The following CDH5 variants were observed in gnomAD, a reference collection of about 807,000 sequenced individuals.
The protein encoded by CDH5 is cadherin 5.
Under a neutral mutation model 62.0 loss-of-function variants are expected in CDH5, and 28 were observed. The ratio of observed to expected loss-of-function variants is 0.45; its 90% confidence interval spans 0.33 to 0.62. The LOEUF (loss-of-function observed/expected upper bound fraction) is 0.62, where lower values mean the gene tolerates loss of function less well. Ranked by LOEUF, CDH5 falls within the 20% of genes least tolerant of loss-of-function variation. CDH5 has a pLI of 0.02. For synonymous variants in CDH5, 464 were observed against 445.8 expected (o/e 1.04, Z -0.52); for missense variants, 940 against 1,065.1 (o/e 0.88, Z 1.63).
intron 8 of CDH5, among the ~76,000 whole-genome samples, chr16:66,397,023 C>T (rs1264344563): frequency 1.3e-5 from 2 of 152,186 alleles, no homozygotes; most frequent in African/African-American, 4.8e-5. Context: ...ACGGAAAATA[C>T]AGAAAATGAG....
intron 1 of CDH5, among the ~76,000 whole-genome samples, chr16:66,372,109 G>T (rs957945154): frequency 1.3e-5 from 2 of 152,176 alleles, no homozygotes; most frequent in East Asian, 1.9e-4. Flanking sequence ...TGAGAGGCAG[G>T]ACTCACTCCT....
chr16:66,401,133 C>G (rs1313652793), intron 11 of CDH5, 117 bp downstream of exon 11: 2 of 1,334,952 alleles, frequency 1.5e-6, no homozygotes, highest in Non-Finnish European at 2.1e-6. Flanking sequence ...CCAACCCTGC[C>G]TCCAATCTGC....
chr16:66,382,441 C>G (rs1960913563), intron 2 of CDH5, among the ~76,000 whole-genome samples: 1 of 152,106 alleles, frequency 6.6e-6, no homozygotes, highest in Non-Finnish European at 1.5e-5. Flanking sequence ...ATTCCTGACT[C>G]TCAACACAAA....
At chr16:66,393,126 A>G (rs1273324350) in intron 7 of CDH5, 3 of 152,218 alleles carry the variant, frequency 2.0e-5, no homozygotes, top group Non-Finnish European at 4.4e-5. Context: ...ATTCAATTCA[A>G]TCTTATTTTA....
intron 1 of CDH5, among the ~76,000 whole-genome samples, chr16:66,374,195 T>A (rs1428377464): frequency 6.6e-6 from 1 of 151,678 alleles, no homozygotes; most frequent in Non-Finnish European, 1.5e-5. Flanking sequence ...CTCGGGGGAG[T>A]GCTCAGGGAT....
chr16:66,392,181 G>T lies in CDH5; in HGVS notation c.1015G>T (p.Ala339Ser), dbSNP rs1485875015. ...YIQQYSFIVE[A>S]TDPTIDLRYM... ...CCAGCAATACAGCTTCATCGTCGAGGCCACAGACCCCACCATCGACCTCCG... is the reference window on the plus strand; with the variant it reads ...CCAGCAATACAGCTTCATCGTCGAGTCCACAGACCCCACCATCGACCTCCG... Residue 339 changes from alanine (A) to serine (S), a missense_variant, in exon 7 of 12, where the codon GCC becomes TCC. Transcript: ENST00000341529. 6.2e-7 allele frequency: 1 copy of T among 1,614,104 alleles called. No individual in the cohort carries two copies.
intron 5 of CDH5, among the ~76,000 whole-genome samples, chr16:66,390,173 C>T (rs1255007963): frequency 6.6e-6 from 1 of 152,190 alleles, no homozygotes; most frequent in African/African-American, 2.4e-5. Flanking sequence ...TAGCAAAGTG[C>T]CTGGCATACA....
At chr16:66,367,695 C>G (rs1203455968) in intron 1 of CDH5, among the ~76,000 whole-genome samples, 1 of 152,188 alleles carries the variant, frequency 6.6e-6, no homozygotes, top group Non-Finnish European at 1.5e-5. Context: ...TACATTCTTT[C>G]TTTATATCTC....
intron 1 of CDH5, among the ~76,000 whole-genome samples, chr16:66,378,951 G>T (rs1233276461): frequency 6.6e-6 from 1 of 152,186 alleles, no homozygotes; most frequent in Non-Finnish European, 1.5e-5. Flanking sequence ...CGGTCAGAGT[G>T]GTGGAAGAAA....
At position 66,390,577 on chromosome 16, in the gene CDH5, T is replaced by C; in HGVS notation, c.956T>C (p.Ile319Thr). ...AACCCCGCCCACAACGAGGGCATCA[T>C]CAAGCCCATGAAGGTTTGTAGGCCA... ...ETNPAHNEGIIKPMKPLDYEY... is the reference protein window; with the variant it reads ...ETNPAHNEGITKPMKPLDYEY... Residue 319 changes from isoleucine to threonine, a missense_variant, in exon 6 of 12, where the codon ATC (isoleucine) becomes ACC (threonine). Ile to Thr is a moderately conservative substitution (Grantham distance 89). Coordinates refer to ENST00000341529, the MANE Select transcript of CDH5 (RefSeq NM_001795.5). 6.2e-7 allele frequency: 1 copy of C among 1,614,044 alleles called. No homozygotes were observed. Among genetic ancestry groups the C allele is most frequent in the Non-Finnish European group, 8.5e-7 (1 of 1,179,994 alleles).
Position 66,389,318 on chromosome 16 carries a change from GA to G in CDH5, c.617-38del. 3.2e-6 allele frequency: 5 copies of G among 1,582,892 alleles called. 1 individual carries two copies. In the South Asian group the frequency reaches 5.7e-5, roughly 18 times the overall value. On this transcript the variant is annotated intron_variant, in intron 4 of 11. Transcript: ENST00000341529. The stretch of plus-strand genomic sequence containing the variant: ...AGGCCCTAGGCATCGGTATTTTCTA[GA>G]AGCTGGTAACATGGTTCCTGCTGGG...
In CDH5 at chr16:66,400,784, C is replaced by T; in HGVS notation, c.1605C>T (p.Asn535=). ...TLTDNHDNTA[N]ITVKYGQFDR... ...TGGTGTTTCCAGATAACACGGCCAA[C>T]ATCACAGTCAAGTATGGGCAGTTTG... Residue 535 remains asparagine (N), a synonymous_variant, in exon 11 of 12, where the codon AAC becomes AAT. Transcript: ENST00000341529. 6.2e-7 allele frequency: 1 copy of T among 1,614,212 alleles called. No individual in the cohort carries two copies. The highest frequency in any genetic ancestry group is 2.2e-5 in the East Asian group (1 of 44,880).
At chr16:66,367,628 G>A (rs185615143) in intron 1 of CDH5, among the ~76,000 whole-genome samples, 12 of 152,288 alleles carry the variant, frequency 7.9e-5, no homozygotes, top group Non-Finnish European at 1.2e-4. Flanking sequence ...ACCACAGTGG[G>A]GAACAAGGGA....
chr16:66,398,900 A>G (rs1340902147), intron 10 of CDH5, among the ~76,000 whole-genome samples: 2 of 152,202 alleles, frequency 1.3e-5, no homozygotes, highest in Non-Finnish European at 2.9e-5. Context: ...ACATTGTACA[A>G]TTGGTCTATG....
rs926112121 is a variant in CDH5, at chr16:66,404,219, A to G, written c.*1050A>G. On this transcript the variant is annotated 3_prime_UTR_variant, in exon 12 of 12. Coordinates refer to ENST00000341529, the MANE Select transcript of CDH5 (RefSeq NM_001795.5). The stretch of plus-strand genomic sequence containing the variant: ...CATGACTGCATGACGGAGCCGAGCC[A>G]TGTGTCTTTACACCTCGCTGTTGTC... 5 of 152,768 alleles carry G rather than the reference A, an allele frequency of 3.3e-5. No homozygotes were observed. Among genetic ancestry groups the G allele is most frequent in the African/African-American group, 1.2e-4 (5 of 41,478 alleles). 9.5% of individuals were successfully genotyped at this position (152,768 alleles called of 1,614,324 possible). A position where few individuals can be genotyped will look rare whatever the true frequency, so the allele number is the denominator to read the frequency against.
In CDH5 at chr16:66,388,581, A is replaced by G. The variant is rs534355854; in HGVS notation, c.616+141A>G. The G allele has an allele frequency of 4.6e-5, 30 of 646,524 alleles. No individual in the cohort carries two copies. The South Asian group carries it at 5.4e-4, about 12-fold the overall frequency. 40.0% of individuals were successfully genotyped at this position (646,524 alleles called of 1,614,324 possible). ...ACCACACTGTACCATGGAAGTAGTC[A>G]GTATCATATGTAAAGACAAGGCGGC... On this transcript the variant is annotated intron_variant, in intron 4 of 11. Transcript: ENST00000341529.
At chr16:66,399,012 G>T (rs1482440795) in intron 10 of CDH5, among the ~76,000 whole-genome samples, 1 of 152,162 alleles carries the variant, frequency 6.6e-6, no homozygotes. Context: ...AGTCAGCTCA[G>T]TTCAAGAACT....
At chr16:66,386,226 C>CAA (rs979858711) in intron 2 of CDH5, among the ~76,000 whole-genome samples, 2 of 151,986 alleles carry the variant, frequency 1.3e-5, no homozygotes, top group Admixed American at 6.5e-5. Context: ...CCAGGCAACT[C>CAA]ACACCATGAG....
chr16:66,402,633 C>T lies in CDH5; in HGVS notation c.1838-19C>T, dbSNP rs750331958. The T allele has an allele frequency of 1.3e-6, 2 of 1,549,962 alleles. No homozygotes were observed. The highest frequency in any genetic ancestry group is 2.5e-5 in the South Asian group (2 of 79,552). On this transcript the variant is annotated intron_variant, in intron 11 of 11. Transcript: ENST00000341529. ...CCCCCAGCCTTGTCTGACTCTGCTG[C>T]TCGGCTCCCTGGCTGCAGTGATCAC...
Sources: gnomAD v4.1 joint callset for allele counts (sites outside exome capture counted in the v4.1 genomes callset) on GRCh38, gnomAD v4.1.1 for gene constraint, MANE v1.5 for transcripts, NCBI Gene and HGNC (gene_info 2026-07-23, HGNC 2026-07-21) for gene names.